The following CADM2 variants were observed in gnomAD, a reference collection of about 807,000 sequenced individuals.
The protein encoded by CADM2 is cell adhesion molecule 2, also known as immunoglobulin superfamily member 4D.
Under a neutral mutation model 49.8 loss-of-function variants are expected in CADM2, and 12 were observed. The observed-to-expected ratio is 0.24, with a 90% CI of 0.15 to 0.39. The LOEUF (loss-of-function observed/expected upper bound fraction) is 0.39. CADM2 is among the 10% of genes least tolerant of loss of function. CADM2 has a pLI of 1.00. For synonymous variants in CADM2, 214 were observed against 175.4 expected, an observed-to-expected ratio of 1.22 and a Z score of -1.74; for missense variants, 378 against 492.3, an observed-to-expected ratio of 0.77 and a Z score of 2.20.
intron 1 of CADM2, among the ~76,000 whole-genome samples, chr3:85,112,353 G>T: frequency 7.1e-6 from 1 of 140,626 alleles, no homozygotes; most frequent in African/African-American, 3.0e-5. Context: ...TGGAGAAACT[G>T]TCATTTTTTT....
At chr3:85,738,153 G>T (rs1245507536) in intron 2 of CADM2, among the ~76,000 whole-genome samples, 1 of 111,144 alleles carries the variant, frequency 9.0e-6, no homozygotes, top group Admixed American at 8.7e-5. Flanking sequence ...GAGAATCCCA[G>T]TAACGTATAT....
At chr3:85,767,989 T>A (rs1371658372) in intron 2 of CADM2, among the ~76,000 whole-genome samples, 5 of 152,178 alleles carry the variant, frequency 3.3e-5, no homozygotes, top group Admixed American at 3.3e-4. Context: ...ATATCTGTTT[T>A]GTTGATTATA....
At chr3:85,198,508 T>C (rs1576098030) in intron 1 of CADM2, among the ~76,000 whole-genome samples, 1 of 151,866 alleles carries the variant, frequency 6.6e-6, no homozygotes, top group East Asian at 1.9e-4. Context: ...ATAAATATTA[T>C]ATGCTAATTC....
intron 1 of CADM2, among the ~76,000 whole-genome samples, chr3:85,351,144 G>T (rs1009563044): frequency 6.6e-6 from 1 of 151,992 alleles, no homozygotes; most frequent in Non-Finnish European, 1.5e-5. Flanking sequence ...ACTGTTTGAT[G>T]AACTATATTC....
At chr3:85,488,316 G>A (rs1014287669) in intron 1 of CADM2, among the ~76,000 whole-genome samples, 1 of 152,066 alleles carries the variant, frequency 6.6e-6, no homozygotes, top group African/African-American at 2.4e-5. Flanking sequence ...GCAAGACAGA[G>A]ATAATGTTTA....
At chr3:85,101,162 G>A (rs1318419962) in intron 1 of CADM2, among the ~76,000 whole-genome samples, 1 of 152,158 alleles carries the variant, frequency 6.6e-6, no homozygotes, top group Non-Finnish European at 1.5e-5. Context: ...GCTGAGGCGG[G>A]AGAATTGCTT....
At chr3:85,489,499 A>T (rs2039570538) in intron 1 of CADM2, among the ~76,000 whole-genome samples, 2 of 152,142 alleles carry the variant, frequency 1.3e-5, no homozygotes, top group African/African-American at 4.8e-5. Flanking sequence ...ACTTTTAGTC[A>T]TTTGTAAACA....
At chr3:85,785,882 C>T (rs894313700) in intron 2 of CADM2, among the ~76,000 whole-genome samples, 6 of 152,128 alleles carry the variant, frequency 3.9e-5, no homozygotes, top group African/African-American at 1.4e-4. Flanking sequence ...CAATAGCCTG[C>T]AGGCACTTAG....
chr3:85,786,930 G>C (rs533432728), intron 2 of CADM2, among the ~76,000 whole-genome samples: 1 of 152,074 alleles, frequency 6.6e-6, no homozygotes, highest in Admixed American at 6.6e-5. Context: ...TAAATTTTGT[G>C]TTACTGCATT....
chr3:85,169,603 C>T (rs1256588624), intron 1 of CADM2, among the ~76,000 whole-genome samples: 1 of 151,968 alleles, frequency 6.6e-6, no homozygotes, highest in Non-Finnish European at 1.5e-5. Flanking sequence ...GAAATCCTAT[C>T]TCTACTAAAA....
chr3:84,959,264 C>G lies in CADM2; in HGVS notation c.-344C>G, dbSNP rs1265104817. 4.4e-6 allele frequency: 2 copies of G among 458,976 alleles called. No homozygotes were observed. Among genetic ancestry groups the G allele is most frequent in the African/African-American group, 4.0e-5 (2 of 49,688 alleles). 28.4% of individuals were successfully genotyped at this position (458,976 alleles called of 1,614,324 possible). Reference sequence around the variant, plus strand: ...TCTCCAACACCCCGGCATCCCTGCACCACCTGCTCGGGCAGCCCCGGCGGG... The same window carrying G: ...TCTCCAACACCCCGGCATCCCTGCAGCACCTGCTCGGGCAGCCCCGGCGGG... On this transcript the variant is annotated 5_prime_UTR_variant, in exon 1 of 10. Coordinates refer to ENST00000383699, the MANE Select transcript of CADM2 (RefSeq NM_001167675.2).
At chr3:85,567,090 A>T (rs1230358544) in intron 1 of CADM2, among the ~76,000 whole-genome samples, 1 of 152,148 alleles carries the variant, frequency 6.6e-6, no homozygotes, top group Non-Finnish European at 1.5e-5. Flanking sequence ...CTGAGCTTCA[A>T]TTTCTGTATT....
chr3:85,644,656 G>A (rs2064831326), intron 1 of CADM2, among the ~76,000 whole-genome samples: 1 of 152,088 alleles, frequency 6.6e-6, no homozygotes. Flanking sequence ...TCACTCTCAT[G>A]GAATGACCGT....
At chr3:85,314,269 ATATG>A (rs921078416) in intron 1 of CADM2, among the ~76,000 whole-genome samples, 8 of 152,214 alleles carry the variant, frequency 5.3e-5, no homozygotes, top group Admixed American at 5.2e-4. Flanking sequence ...AAGTTATTAT[ATATG>A]TATTTTTATT....
In CADM2 at chr3:85,331,821, G is replaced by GA. The variant is rs571375797; in HGVS notation, c.61+372154dup. 6.1e-3 allele frequency among the ~76,000 whole-genome samples: 934 copies of GA among 152,120 alleles called. 2 individuals carry two copies. The highest frequency in any genetic ancestry group is 0.017 in the Middle Eastern group (5 of 294). On this transcript the variant is annotated intron_variant, in intron 1 of 9. Coordinates refer to ENST00000383699, the MANE Select transcript of CADM2 (RefSeq NM_001167675.2). ...TTTTGGATAAGAGCCATTTTAACTG[G>GA]AGTGAGTGATTCTTCTTTCTGGAAA...
At chr3:85,561,685 G>A (rs2062098630) in intron 1 of CADM2, among the ~76,000 whole-genome samples, 1 of 152,128 alleles carries the variant, frequency 6.6e-6, no homozygotes, top group Non-Finnish European at 1.5e-5. Context: ...TAGGCATTGA[G>A]GATGTGGCCG....
At chr3:85,928,160 T>C (rs921562330) in intron 6 of CADM2, among the ~76,000 whole-genome samples, 12 of 31,768 alleles carry the variant, frequency 3.8e-4, no homozygotes, top group African/African-American at 1.2e-3. Context: ...AAAGAAGAAT[T>C]TTTTTTTTTT....
At chr3:86,014,435 AT>A in intron 8 of CADM2, 2 of 1,487,192 alleles carry the variant, frequency 1.3e-6, no homozygotes, top group Non-Finnish European at 1.8e-6. Flanking sequence ...TTTATCATGA[AT>A]TTTGGTTTGA....
intron 1 of CADM2, among the ~76,000 whole-genome samples, chr3:85,680,199 A>G (rs1205139782): frequency 6.6e-6 from 1 of 152,048 alleles, no homozygotes; most frequent in Non-Finnish European, 1.5e-5. Context: ...GAAGGTGTCA[A>G]TCTAGATTAG....
Sources: allele counts gnomAD v4.1 joint callset (sites outside exome capture counted in the v4.1 genomes callset), GRCh38; gene constraint gnomAD v4.1.1; transcripts MANE v1.5; gene names NCBI Gene and HGNC (gene_info 2026-07-23, HGNC 2026-07-21).